FHIP1A: variants seen among roughly 807,000 people sequenced by gnomAD.
FHIP1A encodes the protein FHF complex subunit HOOK-interacting protein 1A.
Under a neutral mutation model 88.6 loss-of-function variants are expected in FHIP1A, and 61 were observed. That is an observed-to-expected ratio of 0.69 (90% CI 0.56 to 0.85). FHIP1A has a LOEUF of 0.85. FHIP1A is among the 40% of genes least tolerant of loss of function. The pLI, the probability that FHIP1A is intolerant of heterozygous loss-of-function variation, is 0.00. For synonymous variants in FHIP1A, 478 were observed against 496.0 expected, an observed-to-expected ratio of 0.96 and a Z score of 0.48; for missense variants, 1,154 against 1,273.5, an observed-to-expected ratio of 0.91 and a Z score of 1.43.
intron 2 of FHIP1A, among the ~76,000 whole-genome samples, chr4:151,479,112 CT>C (rs1729810073): frequency 6.6e-6 from 1 of 151,972 alleles, no homozygotes; most frequent in African/African-American, 2.4e-5. Context: ...TTTCCTAAAG[CT>C]TTAGAAGGTT....
Position 151,666,139 on chromosome 4 carries a change from C to T in FHIP1A, c.*3385C>T, listed in dbSNP as rs1033809936. On this transcript the variant is annotated 3_prime_UTR_variant, in exon 14 of 14. Transcript: ENST00000435205. Reference sequence around the variant, plus strand: ...TTTAAAATTGATTTTTTGGAAATGGCCAAGTAAATGTTTTTTAAAATTTTA... The same window carrying T: ...TTTAAAATTGATTTTTTGGAAATGGTCAAGTAAATGTTTTTTAAAATTTTA... 6.6e-5 allele frequency among the ~76,000 whole-genome samples: 10 copies of T among 152,240 alleles called. No homozygotes were observed. The highest frequency in any genetic ancestry group is 2.4e-4 in the African/African-American group (10 of 41,556).
At chr4:151,561,127 T>G (rs933768618) in intron 3 of FHIP1A, among the ~76,000 whole-genome samples, 6 of 152,172 alleles carry the variant, frequency 3.9e-5, no homozygotes, top group African/African-American at 1.4e-4. Context: ...CTTGTTACTG[T>G]TTTGAAGCAT....
At chr4:151,466,699 T>G (rs1310123673) in intron 2 of FHIP1A, among the ~76,000 whole-genome samples, 1 of 152,164 alleles carries the variant, frequency 6.6e-6, no homozygotes, top group Admixed American at 6.5e-5. Context: ...AATCTGATCT[T>G]TGACAAACCT....
At chr4:151,496,000 C>T (rs1484491708) in intron 3 of FHIP1A, among the ~76,000 whole-genome samples, 4 of 151,834 alleles carry the variant, frequency 2.6e-5, no homozygotes, top group South Asian at 2.1e-4. Flanking sequence ...ATATGTCTAC[C>T]GTTTTGATGA....
intron 7 of FHIP1A, among the ~76,000 whole-genome samples, chr4:151,617,970 ACTTCT>A (rs1163919315): frequency 6.6e-6 from 1 of 152,200 alleles, no homozygotes; most frequent in Non-Finnish European, 1.5e-5. Context: ...GCATATGCTG[ACTTCT>A]CTTATCTCCA....
chr4:151,434,557 C>G (rs147548109), intron 1 of FHIP1A, among the ~76,000 whole-genome samples: 1,692 of 152,254 alleles, frequency 0.011, 33 homozygotes, highest in African/African-American at 0.037. Flanking sequence ...CCAGTTAACT[C>G]TGCCTCTTGG....
At chr4:151,412,580 T>TTAC (rs1199098736) in intron 1 of FHIP1A, among the ~76,000 whole-genome samples, 2 of 113,358 alleles carry the variant, frequency 1.8e-5, no homozygotes, top group Non-Finnish European at 3.7e-5. Context: ...CTTTCTTTCC[T>TTAC]TTCTTTCCTT....
In FHIP1A at chr4:151,649,701, C is replaced by A; in HGVS notation, c.1660C>A (p.Leu554Ile). Residue 554 changes from leucine to isoleucine, a missense_variant, in exon 11 of 14, where the codon CTC becomes ATC. Transcript: ENST00000435205. ...GAGCTCGGCCTGCCCTGTGTTCGGG[C>A]TCCCGCAACAACTCCCCAGGAAGAC... The part of the protein sequence containing the change: ...SVSSACPVFG[L>I]PQQLPRKTGP... 1 of 1,551,520 alleles carries A rather than the reference C, an allele frequency of 6.4e-7. No individual in the cohort carries two copies. Among genetic ancestry groups the A allele is most frequent in the Non-Finnish European group, 8.7e-7 (1 of 1,146,930 alleles).
At chr4:151,637,129 C>G (rs895220389) in intron 8 of FHIP1A, among the ~76,000 whole-genome samples, 9 of 152,056 alleles carry the variant, frequency 5.9e-5, no homozygotes, top group Non-Finnish European at 1.0e-4. Context: ...AATAATAAGG[C>G]TGAATCCACA....
chr4:151,613,119 T>C (rs1315210974), intron 7 of FHIP1A, among the ~76,000 whole-genome samples: 1 of 152,206 alleles, frequency 6.6e-6, no homozygotes, highest in African/African-American at 2.4e-5. Flanking sequence ...TCTTGGTTTT[T>C]CAACCAGTGC....
chr4:151,421,203 A>G (rs907836675), intron 1 of FHIP1A, among the ~76,000 whole-genome samples: 4 of 152,232 alleles, frequency 2.6e-5, no homozygotes, highest in African/African-American at 9.6e-5. Context: ...AAGGAGATCA[A>G]TATGGAAAAT....
intron 3 of FHIP1A, among the ~76,000 whole-genome samples, chr4:151,561,228 T>C (rs1464998087): frequency 2.0e-5 from 3 of 152,152 alleles, no homozygotes; most frequent in Non-Finnish European, 2.9e-5. Context: ...GACCTAGAAG[T>C]TGGTGGAATG....
intron 3 of FHIP1A, among the ~76,000 whole-genome samples, chr4:151,551,259 A>G (rs1732719343): frequency 6.6e-6 from 1 of 152,148 alleles, no homozygotes; most frequent in South Asian, 2.1e-4. Flanking sequence ...AGGTAATTGT[A>G]CAAGTATAAC....
chr4:151,615,577 G>GT (rs1053142681), intron 7 of FHIP1A, among the ~76,000 whole-genome samples: 1 of 152,168 alleles, frequency 6.6e-6, no homozygotes, highest in African/African-American at 2.4e-5. Flanking sequence ...TGGCAAGGGG[G>GT]TGTTGACAGA....
intron 7 of FHIP1A, among the ~76,000 whole-genome samples, chr4:151,615,971 A>T (rs1159982386): frequency 2.0e-5 from 3 of 152,114 alleles, no homozygotes; most frequent in Non-Finnish European, 4.4e-5. Flanking sequence ...ACCCAACTAC[A>T]ATTTAGAATT....
chr4:151,485,427 C>G (rs144123616), intron 3 of FHIP1A, among the ~76,000 whole-genome samples: 18 of 151,806 alleles, frequency 1.2e-4, no homozygotes, highest in Non-Finnish European at 2.2e-4. Flanking sequence ...GTGTATAGTG[C>G]CACACTGAAC....
At chr4:151,543,089 T>A (rs542395782) in intron 3 of FHIP1A, among the ~76,000 whole-genome samples, 1 of 152,222 alleles carries the variant, frequency 6.6e-6, no homozygotes, top group East Asian at 1.9e-4. Context: ...CTTTCCTATG[T>A]GAATTTGTTT....
intron 3 of FHIP1A, among the ~76,000 whole-genome samples, chr4:151,526,346 G>T (rs1477241299): frequency 6.6e-6 from 1 of 151,472 alleles, no homozygotes; most frequent in Admixed American, 6.6e-5. Context: ...GGGCAGAGGC[G>T]CCCCTCACCT....
rs576305091 is a variant in FHIP1A, at chr4:151,521,177, A to G, written c.-123+38529A>G. ...TTATACCACTGCATGAAGTGTTTGT[A>G]AATGCTTAGCTTCTTTATGTAACAA... On this transcript the variant is annotated intron_variant, in intron 3 of 13. Coordinates refer to ENST00000435205, the MANE Select transcript of FHIP1A (RefSeq NM_001109977.3). Among the ~76,000 whole-genome samples, 4 of 152,304 alleles carry G rather than the reference A, an allele frequency of 2.6e-5. No homozygotes were observed. In the South Asian group the frequency reaches 8.3e-4, roughly 32 times the overall value.
Sources: allele counts gnomAD v4.1 joint callset (sites outside exome capture counted in the v4.1 genomes callset), GRCh38; gene constraint gnomAD v4.1.1; transcripts MANE v1.5; gene names NCBI Gene and HGNC (gene_info 2026-07-23, HGNC 2026-07-21).